EMILIN2: variants seen among roughly 807,000 people sequenced by gnomAD.
EMILIN2 encodes the protein EMILIN-2.
EMILIN2 carries 71 observed loss-of-function variants against 87.1 expected under a neutral mutation model. The ratio of observed to expected loss-of-function variants is 0.82; its 90% CI spans 0.67 to 0.99. The LOEUF is 0.99. Among genes scored for constraint, EMILIN2 ranks in the 50% least tolerant of loss-of-function variants. EMILIN2 has a pLI of 0.00. For missense variants in EMILIN2, 1,407 were observed against 1,371.8 expected, an observed-to-expected ratio of 1.03 and a Z score of -0.40; for synonymous variants, 581 against 563.4, an observed-to-expected ratio of 1.03 and a Z score of -0.44.
chr18:2,853,847 T>TG (rs2076613661), intron 2 of EMILIN2, among the ~76,000 whole-genome samples: 1 of 152,228 alleles, frequency 6.6e-6, no homozygotes, highest in South Asian at 2.1e-4. Flanking sequence ...GGGAAGGGCC[T>TG]GACATTTCTT....
At chr18:2,909,916 G>A (rs2076932922) in intron 7 of EMILIN2, 97 bp downstream of exon 7, 2 of 1,532,938 alleles carry the variant, frequency 1.3e-6, no homozygotes, top group East Asian at 4.7e-5. Context: ...GCGTCCCGTG[G>A]GCTCAGGGAG....
At chr18:2,861,299 G>T (rs1231919499) in intron 2 of EMILIN2, among the ~76,000 whole-genome samples, 4 of 152,206 alleles carry the variant, frequency 2.6e-5, no homozygotes, top group Non-Finnish European at 5.9e-5. Context: ...TAGACATGAA[G>T]TCCTTGCCCA....
intron 2 of EMILIN2, among the ~76,000 whole-genome samples, chr18:2,866,927 A>G (rs1383696972): frequency 6.6e-6 from 1 of 152,200 alleles, no homozygotes; most frequent in African/African-American, 2.4e-5. Context: ...ATTTTATTAA[A>G]TGCTTTTTCT....
chr18:2,897,598 G>T (rs1283397038), intron 4 of EMILIN2, among the ~76,000 whole-genome samples: 1 of 152,190 alleles, frequency 6.6e-6, no homozygotes, highest in Non-Finnish European at 1.5e-5. Flanking sequence ...GGGCGCGGTG[G>T]CTCATGCCTG....
At chr18:2,897,130 G>A (rs1166478572) in intron 4 of EMILIN2, among the ~76,000 whole-genome samples, 5 of 152,196 alleles carry the variant, frequency 3.3e-5, no homozygotes, top group Non-Finnish European at 5.9e-5. Context: ...AGGTCAAAGC[G>A]AGGGTAGGAA....
rs1312664949 is a variant in EMILIN2 at position 2,895,140 on chromosome 18, A to G, written c.2359+2654A>G. On this transcript the variant is annotated intron_variant, in intron 4 of 7. Coordinates refer to ENST00000254528, the MANE Select transcript of EMILIN2 (RefSeq NM_032048.3). ...TGGATAAAAGTCTGATGGGGAAACA[A>G]GCAGACAGATGGTCACAGGAATGGG... 2.6e-5 allele frequency among the ~76,000 whole-genome samples: 4 copies of G among 151,998 alleles called. 1 individual carries two copies. The South Asian group carries it at 8.3e-4, about 32-fold the overall frequency.
In EMILIN2 at chr18:2,868,765, C is replaced by A. The variant is rs570526038; in HGVS notation, c.258-16199C>A. The stretch of plus-strand genomic sequence containing the variant: ...GCAGCAGCACAGTCCAGCTTCGGCT[C>A]GGCATCAGACGGAGACCGTGGAAAG... On this transcript the variant is annotated intron_variant, in intron 2 of 7. Transcript: ENST00000254528. 4.4e-3 allele frequency among the ~76,000 whole-genome samples: 662 copies of A among 152,086 alleles called. 4 individuals are homozygous for A. The highest frequency in any genetic ancestry group is 4.5e-3 in the Non-Finnish European group (307 of 68,012).
Position 2,913,450 on chromosome 18 carries a change from T to C in EMILIN2, c.*46T>C. Reference sequence around the variant, plus strand: ...GGGAAAGATAGATAGTTGTAAAAACTCTAAAGCTTTAATATATTCGGTTTG... The same window carrying C: ...GGGAAAGATAGATAGTTGTAAAAACCCTAAAGCTTTAATATATTCGGTTTG... On this transcript the variant is annotated 3_prime_UTR_variant, in exon 8 of 8. Coordinates refer to ENST00000254528, the MANE Select transcript of EMILIN2 (RefSeq NM_032048.3). 6.9e-7 allele frequency: 1 copy of C among 1,441,936 alleles called. No individual in the cohort carries two copies. The highest frequency in any genetic ancestry group is 1.9e-4 in the Middle Eastern group (1 of 5,194). 89.3% of individuals were successfully genotyped at this position (1,441,936 alleles called of 1,614,324 possible).
At position 2,913,132 on chromosome 18, in the gene EMILIN2, G is replaced by A. The variant is rs765848472; in HGVS notation, c.2890G>A (p.Ala964Thr). Residue 964 changes from alanine to threonine, a missense_variant, in exon 8 of 8, where the codon GCC becomes ACC. Coordinates refer to ENST00000254528, the MANE Select transcript of EMILIN2 (RefSeq NM_032048.3). ...GGCCACCCTCACCCCCGAGAGAGAC[G>A]CCTACGTGGAAGCAGTGCTGTCGGT... ...ITATLTPERD[A>T]YVEAVLSVSN... 22 of 1,613,690 alleles carry A rather than the reference G, an allele frequency of 1.4e-5. No individual in the cohort carries two copies. The highest frequency in any genetic ancestry group is 3.3e-5 in the South Asian group (3 of 91,070).
Position 2,847,034 on chromosome 18 carries a change from A to T in EMILIN2, c.-155A>T. The T allele has an allele frequency of 9.5e-7, 1 of 1,055,094 alleles. No individual in the cohort carries two copies. The highest frequency in any genetic ancestry group is 1.1e-6 in the Non-Finnish European group (1 of 869,672). The allele number at this position is 1,055,094 out of a possible 1,614,324, so 65.4% of individuals were successfully genotyped here. ...AGGAGAAGTAGGAACGAGAAGCCGG[A>T]GGGGGCGGCCGCGGAGCACTGGTTG... is the stretch of plus-strand genomic sequence containing the variant. On this transcript the variant is annotated 5_prime_UTR_variant, in exon 1 of 8. Transcript: ENST00000254528. This position sits in a 1 kb window ranked among gnomAD's most constrained non-coding sequence, Gnocchi z 4.5.
At chr18:2,853,728 C>T (rs2076612852) in intron 2 of EMILIN2, among the ~76,000 whole-genome samples, 1 of 152,196 alleles carries the variant, frequency 6.6e-6, no homozygotes, top group Admixed American at 6.5e-5. Flanking sequence ...CTGGCAGCCC[C>T]TGGAGGTCTC....
chr18:2,858,575 G>GTATATATATATATATATATATATA (rs1233576785), intron 2 of EMILIN2, among the ~76,000 whole-genome samples: 13 of 65,480 alleles, frequency 2.0e-4, no homozygotes, highest in Admixed American at 3.2e-4. Flanking sequence ...ATATATGTGT[G>GTATATATATATATATATATATATA]TGTGTGTGTA....
chr18:2,862,563 A>T (rs1288898948), intron 2 of EMILIN2, among the ~76,000 whole-genome samples: 2 of 152,190 alleles, frequency 1.3e-5, no homozygotes. Context: ...CATCCCAGGG[A>T]TGAAGCCCAC....
chr18:2,861,407 G>A (rs1431614572), intron 2 of EMILIN2, among the ~76,000 whole-genome samples: 2 of 152,142 alleles, frequency 1.3e-5, no homozygotes, highest in Non-Finnish European at 2.9e-5. Context: ...ATTAATTTTT[G>A]TATAAGGTGT....
chr18:2,895,257 C>A (rs1444928775), intron 4 of EMILIN2, among the ~76,000 whole-genome samples: 1 of 151,796 alleles, frequency 6.6e-6, no homozygotes, highest in East Asian at 1.9e-4. Flanking sequence ...TGAGCTGAGC[C>A]CTCAGTGTAG....
intron 2 of EMILIN2, among the ~76,000 whole-genome samples, chr18:2,855,249 G>T (rs1209901830): frequency 6.6e-6 from 1 of 152,114 alleles, no homozygotes; most frequent in Non-Finnish European, 1.5e-5. Context: ...TCCTTCCTAG[G>T]TTCCCAGTGG....
chr18:2,857,992 A>C (rs1488538576), intron 2 of EMILIN2, among the ~76,000 whole-genome samples: 2 of 152,130 alleles, frequency 1.3e-5, no homozygotes, highest in Non-Finnish European at 2.9e-5. Flanking sequence ...CTGGCAAGGC[A>C]AGGCACAGAT....
intron 2 of EMILIN2, among the ~76,000 whole-genome samples, chr18:2,874,417 G>A (rs919614468): frequency 6.6e-6 from 1 of 152,060 alleles, no homozygotes; most frequent in Non-Finnish European, 1.5e-5. Flanking sequence ...ATCATTTGCT[G>A]AAGACATGCG....
chr18:2,896,721 C>A (rs8082987), intron 4 of EMILIN2, among the ~76,000 whole-genome samples: 74,440 of 151,854 alleles, frequency 0.49, 18,503 homozygotes, highest in Admixed American at 0.54. Flanking sequence ...TCTTGGACTC[C>A]AGTGATTCGC....
Sources: allele counts gnomAD v4.1 joint callset (sites outside exome capture counted in the v4.1 genomes callset), GRCh38; gene constraint gnomAD v4.1.1; non-coding constraint Gnocchi (gnomAD v3.1); transcripts MANE v1.5; gene names NCBI Gene and HGNC (gene_info 2026-07-23, HGNC 2026-07-21).